ADAMTS9: variants seen among roughly 807,000 people sequenced by gnomAD.
ADAMTS9 encodes the protein ADAM metallopeptidase with thrombospondin type 1 motif 9, also known as A disintegrin and metalloproteinase with thrombospondin motifs 9.
In ADAMTS9, 107 loss-of-function variants were observed where a neutral mutation model predicts 257.1. The observed-to-expected ratio is 0.42, with a 90% CI of 0.36 to 0.49. The LOEUF (loss-of-function observed/expected upper bound fraction) is 0.49. Among genes scored for constraint, ADAMTS9 ranks in the 20% least tolerant of loss-of-function variants. The pLI, the probability that ADAMTS9 is intolerant of heterozygous loss-of-function variation, is 0.03. For missense variants in ADAMTS9, 2,353 were observed against 2,469.1 expected, an observed-to-expected ratio of 0.95 and a Z score of 1.00; for synonymous variants, 982 against 880.9, an observed-to-expected ratio of 1.11 and a Z score of -2.03.
chr3:64,601,057 A>AT (rs921653664), intron 26 of ADAMTS9, among the ~76,000 whole-genome samples: 4 of 151,590 alleles, frequency 2.6e-5, no homozygotes, highest in African/African-American at 4.8e-5. Flanking sequence ...TGCACAGCAT[A>AT]TTTTTTTTTA....
chr3:64,663,141 T>A (rs1313763624), intron 3 of ADAMTS9, among the ~76,000 whole-genome samples: 4 of 152,086 alleles, frequency 2.6e-5, no homozygotes, highest in Non-Finnish European at 4.4e-5. Flanking sequence ...AAGTACAGAT[T>A]CTTTTTCTCA....
chr3:64,662,185 T>A (rs1701239849), intron 3 of ADAMTS9, among the ~76,000 whole-genome samples: 1 of 152,146 alleles, frequency 6.6e-6, no homozygotes, highest in Non-Finnish European at 1.5e-5. Flanking sequence ...TTTAGGAGTG[T>A]GCTGTTTAAT....
At chr3:64,631,598 T>C (rs779352876) in intron 15 of ADAMTS9, 48 bp from the exon 16 acceptor site, 2 of 1,492,284 alleles carry the variant, frequency 1.3e-6, no homozygotes, top group South Asian at 2.3e-5. Context: ...ATGGTTCACT[T>C]TCTCTAAGTA....
chr3:64,541,392 G>C lies in ADAMTS9; in HGVS notation c.5315C>G (p.Ser1772Cys). The change falls in exon 35 of 40, where the codon TCT (serine) becomes TGT (cysteine). Residue 1772 changes from serine (S) to cysteine (C), a missense_variant. Transcript: ENST00000498707. ...TGTCACGTACTCTTTGGGGTGGTCA[G>C]AGTGCATCCCCGCACAGAATATCTG... ...LLKIFCAGMH[S>C]DHPKEYVTLV... 1 of 1,614,128 alleles carries C rather than the reference G, an allele frequency of 6.2e-7. No homozygotes were observed. Among genetic ancestry groups the C allele is most frequent in the Non-Finnish European group, 8.5e-7 (1 of 1,180,006 alleles).
At position 64,561,606 on chromosome 3, in the gene ADAMTS9, T is replaced by A. The variant is rs1241780008; in HGVS notation, c.4670A>T (p.Tyr1557Phe). Reference protein sequence around the residue: ...RDCQGPRCPLYTWRAEEWQEC... With the variant: ...RDCQGPRCPLFTWRAEEWQEC... ...TTGCCATTCCTCTGCCCTCCAAGTG[T>A]AGAGGGGACACCGTGGGCCTTGGCA... The change falls in exon 30 of 40, where the codon TAC becomes TTC. Residue 1557 changes from tyrosine to phenylalanine, a missense_variant. Tyr to Phe is a conservative substitution (Grantham distance 22, BLOSUM62 3). Around this residue, in one of 3 missense-constraint regions of ADAMTS9, gnomAD observed 1,402 missense variants for 1,441.4 expected, o/e 0.97. Coordinates refer to ENST00000498707, the MANE Select transcript of ADAMTS9 (RefSeq NM_182920.2). 1.2e-6 allele frequency: 2 copies of A among 1,613,882 alleles called. No individual in the cohort carries two copies. The highest frequency in any genetic ancestry group is 2.2e-5 in the South Asian group (2 of 91,066).
chr3:64,640,817 A>G (rs1700617686), intron 12 of ADAMTS9, among the ~76,000 whole-genome samples: 1 of 152,192 alleles, frequency 6.6e-6, no homozygotes, highest in African/African-American at 2.4e-5. Flanking sequence ...TATTATCTAT[A>G]AACAACCTTC....
At chr3:64,591,696 G>GCT (rs1297402152) in intron 28 of ADAMTS9, among the ~76,000 whole-genome samples, 1 of 152,114 alleles carries the variant, frequency 6.6e-6, no homozygotes, top group Non-Finnish European at 1.5e-5. Flanking sequence ...CCTAAATACT[G>GCT]CTCTTTAGTA....
At chr3:64,562,385 G>A (rs541831785) in intron 29 of ADAMTS9, among the ~76,000 whole-genome samples, 1 of 152,142 alleles carries the variant, frequency 6.6e-6, no homozygotes, top group Non-Finnish European at 1.5e-5. Context: ...CATTTCCTCG[G>A]GCTTAATGTT....
At position 64,548,597 on chromosome 3, in the gene ADAMTS9, G is replaced by T. The variant is rs372605036; in HGVS notation, c.4870-1645C>A. On this transcript the variant is annotated intron_variant, in intron 31 of 39. Transcript: ENST00000498707. ...AAAGTCGTCCCCTGGCTATTTATGT[G>T]GGGGGGAGCCCAGTGGGAGACAGGC... Among the ~76,000 whole-genome samples, 16 of 28,236 alleles carry T rather than the reference G, an allele frequency of 5.7e-4. No individual in the cohort carries two copies. In the Non-Finnish European group the frequency reaches 7.6e-3, roughly 13 times the overall value. The allele number at this position is 28,236 out of a possible 152,430, so 18.5% of individuals were successfully genotyped here.
Position 64,649,693 on chromosome 3 carries a change from C to G in ADAMTS9, c.1549G>C (p.Val517Leu). The change falls in exon 10 of 40, where the codon GTG becomes CTG. Residue 517 changes from valine (V) to leucine (L), a missense_variant. Physicochemically the swap from Val to Leu is conservative, Grantham distance 32. Coordinates refer to ENST00000498707, the MANE Select transcript of ADAMTS9 (RefSeq NM_182920.2). ...PVQLPGILYNVNKQCELIFGP... is the reference protein window; with the variant it reads ...PVQLPGILYNLNKQCELIFGP... ...AAAATCAATTCACATTGTTTATTCACGTTGTAAAGGATGCCTGGCAGTTGG... is the reference window on the plus strand; with the variant it reads ...AAAATCAATTCACATTGTTTATTCAGGTTGTAAAGGATGCCTGGCAGTTGG... 6.2e-7 allele frequency: 1 copy of G among 1,613,920 alleles called. No homozygotes were observed. Among genetic ancestry groups the G allele is most frequent in the Non-Finnish European group, 8.5e-7 (1 of 1,179,950 alleles).
At chr3:64,621,684 C>G (rs1157819834) in intron 18 of ADAMTS9, among the ~76,000 whole-genome samples, 1 of 151,610 alleles carries the variant, frequency 6.6e-6, no homozygotes, top group Non-Finnish European at 1.5e-5. Flanking sequence ...ATTGCTTGAA[C>G]CAGGGAGGCA....
chr3:64,577,994 T>G (rs144720817), intron 28 of ADAMTS9, among the ~76,000 whole-genome samples: 1 of 152,324 alleles, frequency 6.6e-6, no homozygotes, highest in East Asian at 1.9e-4. Flanking sequence ...TCAGGTAGAC[T>G]ATCCTGAAAA....
At chr3:64,643,396 T>C (rs1700705941) in intron 11 of ADAMTS9, among the ~76,000 whole-genome samples, 2 of 151,544 alleles carry the variant, frequency 1.3e-5, no homozygotes, top group South Asian at 2.1e-4. Context: ...GCCCAATCTA[T>C]CTAACACATT....
At chr3:64,595,939 T>A (rs1254863993) in intron 27 of ADAMTS9, among the ~76,000 whole-genome samples, 1 of 152,234 alleles carries the variant, frequency 6.6e-6, no homozygotes, top group African/African-American at 2.4e-5. Context: ...ATATTCTTAG[T>A]TAATTAAACA....
intron 3 of ADAMTS9, among the ~76,000 whole-genome samples, chr3:64,672,255 A>G (rs368655044): frequency 7.3e-4 from 111 of 152,306 alleles, no homozygotes; most frequent in African/African-American, 2.1e-3. Flanking sequence ...TTCAGCAGGG[A>G]ATGGGTTTCT....
At chr3:64,548,517 T>C (rs532228699) in intron 31 of ADAMTS9, among the ~76,000 whole-genome samples, 8 of 152,066 alleles carry the variant, frequency 5.3e-5, no homozygotes, top group Non-Finnish European at 1.2e-4. Context: ...TAAACAAAGT[T>C]GTGCATTTGA....
At chr3:64,619,378 C>T (rs560496925) in intron 19 of ADAMTS9, among the ~76,000 whole-genome samples, 5 of 152,136 alleles carry the variant, frequency 3.3e-5, no homozygotes, top group Non-Finnish European at 7.3e-5. Flanking sequence ...GAGTAACACT[C>T]ATCGTTATAA....
In ADAMTS9 at chr3:64,593,961, A is replaced by ATGTGTG. The variant is rs200112357; in HGVS notation, c.4356+291_4356+296dup. On this transcript the variant is annotated intron_variant, in intron 28 of 39. Transcript: ENST00000498707. Reference sequence around the variant, plus strand: ...ATCACTATGTATGTGTGTGTGTATGATGTGTGTGTGTGTGTGTGTGTGTGT... The same window carrying ATGTGTG: ...ATCACTATGTATGTGTGTGTGTATGATGTGTGTGTGTGTGTGTGTGTGTGTGTGTGT... Among the ~76,000 whole-genome samples, 936 of 108,258 alleles carry ATGTGTG rather than the reference A, an allele frequency of 8.6e-3. 6 individuals are homozygous for ATGTGTG. The highest frequency in any genetic ancestry group is 0.023 in the Middle Eastern group (5 of 216). The allele number at this position is 108,258 out of a possible 152,430, so 71.0% of individuals were successfully genotyped here. A position where few individuals can be genotyped will look rare whatever the true frequency, so the allele number is the denominator to read the frequency against.
At chr3:64,666,761 TTATTAGTGG>T (rs1701361821) in intron 3 of ADAMTS9, among the ~76,000 whole-genome samples, 2 of 152,198 alleles carry the variant, frequency 1.3e-5, no homozygotes, top group Non-Finnish European at 2.9e-5. Context: ...ATAATAATAA[TTATTAGTGG>T]TATTGTTTTA....
Sources: gnomAD v4.1 joint callset for allele counts (sites outside exome capture counted in the v4.1 genomes callset) on GRCh38, gnomAD v4.1.1 for gene constraint, gnomAD v4.1.1 regional missense constraint, MANE v1.5 for transcripts, NCBI Gene and HGNC (gene_info 2026-07-23, HGNC 2026-07-21) for gene names.